PEMT: variants seen among roughly 807,000 people sequenced by gnomAD.
PEMT encodes phosphatidylethanolamine N-methyltransferase, also known as phospholipid methyltransferase.
In PEMT, 23 loss-of-function variants were observed where a neutral mutation model predicts 27.4. That is an observed-to-expected ratio of 0.84 (90% CI 0.60 to 1.19). The LOEUF (loss-of-function observed/expected upper bound fraction) is 1.19. Among genes scored for constraint, PEMT ranks in the 50% most tolerant of loss-of-function variants. PEMT has a pLI of 0.00. For synonymous variants in PEMT, 137 were observed against 139.1 expected (o/e 0.98, Z 0.11); for missense variants, 307 against 310.1 (o/e 0.99, Z 0.07).
chr17:17,579,548 C>T (rs1317676684), intron 1 of PEMT, among the ~76,000 whole-genome samples: 1 of 152,184 alleles, frequency 6.6e-6, no homozygotes, highest in African/African-American at 2.4e-5. Context: ...CGTGGTGGTG[C>T]ATGCCTATAA....
chr17:17,575,678 G>C (rs1235943581), intron 2 of PEMT, among the ~76,000 whole-genome samples: 1 of 152,196 alleles, frequency 6.6e-6, no homozygotes, highest in Non-Finnish European at 1.5e-5. Flanking sequence ...AGGAGAAAGG[G>C]GTGTCCGGGA....
chr17:17,532,819 G>C (rs1908193583), intron 2 of PEMT, among the ~76,000 whole-genome samples: 1 of 152,232 alleles, frequency 6.6e-6, no homozygotes, highest in Admixed American at 6.5e-5. Context: ...CCTGAGACCA[G>C]GAGTTCAAGA....
At chr17:17,560,281 T>C (rs1159352702) in intron 2 of PEMT, among the ~76,000 whole-genome samples, 1 of 152,080 alleles carries the variant, frequency 6.6e-6, no homozygotes, top group African/African-American at 2.4e-5. Context: ...AAATGTGCCC[T>C]GGGCCAGGCC....
chr17:17,522,238 A>G, intron 3 of PEMT, 42 bp downstream of exon 3: 1 of 1,435,788 alleles, frequency 7.0e-7, no homozygotes, highest in Non-Finnish European at 9.8e-7. Flanking sequence ...CCCTCCCGCT[A>G]GCCCAGGGGT....
At chr17:17,548,582 C>T (rs1463179068) in intron 2 of PEMT, among the ~76,000 whole-genome samples, 1 of 152,088 alleles carries the variant, frequency 6.6e-6, no homozygotes, top group Non-Finnish European at 1.5e-5. Context: ...CAGTTTCGCT[C>T]TTGTTGCCCA....
Position 17,567,888 on chromosome 17 carries a change from C to T in PEMT, c.204+9032G>A, listed in dbSNP as rs4646355. Among the ~76,000 whole-genome samples, 196 of 152,338 alleles carry T rather than the reference C, an allele frequency of 1.3e-3. 4 individuals carry two copies. The East Asian group carries it at 0.024, about 19-fold the overall frequency. ...AAGTGCAAGAGGCCCTGGCAGAGGA[C>T]GACGCTTTCTGGTCCAGAAACACTG... On this transcript the variant is annotated intron_variant, in intron 2 of 6. Transcript: ENST00000255389.
At chr17:17,591,803 G>C, upstream of PEMT, 1 of 1,421,682 alleles carries the variant, frequency 7.0e-7, no homozygotes, top group Non-Finnish European at 9.2e-7. Context: ...TCTTTATCTG[G>C]GGGCTCGCGA....
chr17:17,590,132 C>G (rs897955253), intron 1 of PEMT, among the ~76,000 whole-genome samples: 1 of 151,896 alleles, frequency 6.6e-6, no homozygotes, highest in Non-Finnish European at 1.5e-5. Context: ...CCATCTTGAT[C>G]TGAGGATTAA....
intron 2 of PEMT, among the ~76,000 whole-genome samples, chr17:17,568,483 A>G (rs1356512923): frequency 6.6e-6 from 1 of 152,234 alleles, no homozygotes; most frequent in African/African-American, 2.4e-5. Context: ...CCCCAGAGCC[A>G]GGACTTGGTA....
intron 2 of PEMT, among the ~76,000 whole-genome samples, chr17:17,554,723 C>T (rs1424888286): frequency 6.6e-6 from 1 of 152,182 alleles, no homozygotes; most frequent in African/African-American, 2.4e-5. Context: ...TCAAGCAGTT[C>T]TCCTGCCTCA....
At chr17:17,555,490 A>G (rs546311932) in intron 2 of PEMT, among the ~76,000 whole-genome samples, 8 of 152,148 alleles carry the variant, frequency 5.3e-5, no homozygotes, top group African/African-American at 1.7e-4. Flanking sequence ...CAGAACTGCC[A>G]CCTCTAGGCC....
intron 2 of PEMT, among the ~76,000 whole-genome samples, chr17:17,538,660 T>C (rs1300653851): frequency 2.6e-5 from 4 of 152,278 alleles, no homozygotes. Flanking sequence ...CTACTGCATT[T>C]ATGATGTCTG....
At chr17:17,526,099 C>T (rs1467010485) in intron 2 of PEMT, among the ~76,000 whole-genome samples, 1 of 152,154 alleles carries the variant, frequency 6.6e-6, no homozygotes, top group Non-Finnish European at 1.5e-5. Context: ...CTAATGCAAC[C>T]GGGCCCTGGG....
chr17:17,524,845 C>T (rs955485984), intron 2 of PEMT, among the ~76,000 whole-genome samples: 2 of 152,130 alleles, frequency 1.3e-5, no homozygotes, highest in Non-Finnish European at 2.9e-5. Flanking sequence ...CGTGGTGGCT[C>T]ACGCCTGTAA....
intron 6 of PEMT, 144 bp from the exon 7 acceptor site, chr17:17,505,992 G>A: frequency 7.4e-7 from 1 of 1,354,668 alleles, no homozygotes; most frequent in African/African-American, 1.5e-5. Flanking sequence ...GGGCAACACT[G>A]ACTTGGAGCC....
At chr17:17,583,458 C>T (rs1280956436) in intron 1 of PEMT, among the ~76,000 whole-genome samples, 1 of 152,180 alleles carries the variant, frequency 6.6e-6, no homozygotes, top group African/African-American at 2.4e-5. Context: ...ATTAAGCCAG[C>T]CCCCTAACCC....
At chr17:17,539,004 C>A (rs1407162703) in intron 2 of PEMT, among the ~76,000 whole-genome samples, 4 of 152,164 alleles carry the variant, frequency 2.6e-5, no homozygotes, top group Non-Finnish European at 5.9e-5. Flanking sequence ...TGTCAGCCAG[C>A]TTTTTGTTTT....
At chr17:17,548,097 T>G (rs1287106898) in intron 2 of PEMT, among the ~76,000 whole-genome samples, 1 of 152,208 alleles carries the variant, frequency 6.6e-6, no homozygotes, top group Admixed American at 6.5e-5. Context: ...CCCATTAGGT[T>G]CCAGCCTCCC....
chr17:17,510,213 C>T (rs988136602), intron 4 of PEMT, among the ~76,000 whole-genome samples: 1 of 152,226 alleles, frequency 6.6e-6, no homozygotes, highest in African/African-American at 2.4e-5. Context: ...CAGCCATGCA[C>T]CCGTCAGCCG....
Sources: gnomAD v4.1 joint callset for allele counts (sites outside exome capture counted in the v4.1 genomes callset) on GRCh38, gnomAD v4.1.1 for gene constraint, MANE v1.5 for transcripts, NCBI Gene and HGNC (gene_info 2026-07-23, HGNC 2026-07-21) for gene names.